The following S100A2 variants were observed in gnomAD, a reference collection of about 807,000 sequenced individuals.
S100A2 encodes S100 calcium binding protein A2.
A neutral mutation model predicts 4.3 loss-of-function variants in S100A2; 5 were observed. The ratio of observed to expected loss-of-function variants is 1.16; its 90% confidence interval spans 0.61 to 2.44. The LOEUF is 2.44. Ranked by LOEUF, S100A2 falls within the 30% of genes most tolerant of loss-of-function variation. S100A2 has a pLI of 0.01. For synonymous variants in S100A2, 44 were observed against 46.0 expected, an observed-to-expected ratio of 0.96 and a Z score of 0.17; for missense variants, 103 against 114.7, an observed-to-expected ratio of 0.90 and a Z score of 0.47.
At chr1:153,563,184 C>T (rs534933681) in intron 2 of S100A2, among the ~76,000 whole-genome samples, 1 of 151,954 alleles carries the variant, frequency 6.6e-6, no homozygotes, top group Non-Finnish European at 1.5e-5. Context: ...CCAGCCTGGC[C>T]AATATGGTGA....
chr1:153,561,940 C>G (rs761516309), intron 2 of S100A2, among the ~76,000 whole-genome samples: 1 of 152,242 alleles, frequency 6.6e-6, no homozygotes, highest in Admixed American at 6.5e-5. Flanking sequence ...CTCCCCAACA[C>G]CAGCCAGGTA....
At chr1:153,565,018 A>C (rs1205381966) in intron 1 of S100A2, among the ~76,000 whole-genome samples, 1 of 151,712 alleles carries the variant, frequency 6.6e-6, no homozygotes, top group Non-Finnish European at 1.5e-5. Context: ...CCTGGAGAAA[A>C]ACCCTTCAGT....
At chr1:153,563,484 G>A (rs926516273) in intron 2 of S100A2, 5 of 1,550,498 alleles carry the variant, frequency 3.2e-6, no homozygotes, top group East Asian at 4.9e-5. Flanking sequence ...TCCAATGACA[G>A]GATTAAACAG....
chr1:153,561,212 A>G lies in S100A2; in HGVS notation c.*227T>C. 1 of 429,372 alleles carries G rather than the reference A, an allele frequency of 2.3e-6. No individual in the cohort carries two copies. Among genetic ancestry groups the G allele is most frequent in the East Asian group, 3.8e-5 (1 of 26,442 alleles). 26.6% of individuals were successfully genotyped at this position (429,372 alleles called of 1,614,324 possible). On this transcript the variant is annotated 3_prime_UTR_variant, in exon 3 of 3. Coordinates refer to ENST00000368708, the MANE Select transcript of S100A2 (RefSeq NM_005978.4). The stretch of plus-strand genomic sequence containing the variant: ...AAATTCCAAAATTGAGACCTAAAGC[A>G]TAGCTCTGGCCTTGGAGAGATTTCC...
intron 2 of S100A2, among the ~76,000 whole-genome samples, chr1:153,562,214 C>CTGTA (rs1665909465): frequency 6.6e-6 from 1 of 152,206 alleles, no homozygotes; most frequent in East Asian, 1.9e-4. Context: ...GTCACCCAGG[C>CTGTA]TGTATTATAG....
chr1:153,564,181 G>T (rs913737106), intron 1 of S100A2: 50 of 304,962 alleles, frequency 1.6e-4, no homozygotes, highest in African/African-American at 2.2e-5. Context: ...TTTAGTGTCT[G>T]CCAGAAGGGA....
At position 153,561,812 on chromosome 1, in the gene S100A2, TGGACACAGGGA is replaced by T. The variant is rs574747265; in HGVS notation, c.145-232_145-222del. 1.6e-4 allele frequency among the ~76,000 whole-genome samples: 25 copies of T among 152,304 alleles called. No homozygotes were observed. The East Asian group carries it at 4.8e-3, about 29-fold the overall frequency. ...GAGCATCTCCAGTGTGCCCTCCTCC[TGGACACAGGGA>T]GGACACTGGATGCTCCTCTGAGCAT... On this transcript the variant is annotated intron_variant, in intron 2 of 2. Coordinates refer to ENST00000368708, the MANE Select transcript of S100A2 (RefSeq NM_005978.4).
Position 153,563,778 on chromosome 1 carries a change from C to A in S100A2, c.100G>T (p.Glu34Ter), listed in dbSNP as rs749924923. 11 of 1,614,102 alleles carry A rather than the reference C, an allele frequency of 6.8e-6. No individual in the cohort carries two copies. The highest frequency in any genetic ancestry group is 9.3e-6 in the Non-Finnish European group (11 of 1,180,046). The part of the protein sequence containing the change: ...EGDKFKLSKG[E>*]MKELLHKELP... Reference sequence around the variant, plus strand: ...TCCTTGTGCAGAAGTTCCTTCATTTCCCCCTTACTCAGCTTGAACTTGTCG... The same window carrying A: ...TCCTTGTGCAGAAGTTCCTTCATTTACCCCTTACTCAGCTTGAACTTGTCG... The change falls in exon 2 of 3, where the codon GAA becomes TAA. Residue 34 changes from glutamate to a stop codon, truncating the protein, a stop_gained. Coordinates refer to ENST00000368708, the MANE Select transcript of S100A2 (RefSeq NM_005978.4). LOFTEE classifies it low-confidence loss of function (END_TRUNC).
chr1:153,563,892 A>G lies in S100A2; in HGVS notation c.-10-5T>C. The stretch of plus-strand genomic sequence containing the variant: ...CTGCACATCATGGATCTGTGGCTGC[A>G]GAGGTGCCAGGTGATGGGTACACTG... On this transcript the variant is annotated splice_polypyrimidine_tract_variant and splice_region_variant and intron_variant, in intron 1 of 2. Coordinates refer to ENST00000368708, the MANE Select transcript of S100A2 (RefSeq NM_005978.4). The G allele has an allele frequency of 1.2e-6, 2 of 1,613,034 alleles. No individual in the cohort carries two copies. Among genetic ancestry groups the G allele is most frequent in the Middle Eastern group, 1.7e-4 (1 of 6,060 alleles).
At position 153,561,417 on chromosome 1, in the gene S100A2, G is replaced by C. The variant is rs2233869; in HGVS notation, c.*22C>G. 714 of 1,605,348 alleles carry C rather than the reference G, an allele frequency of 4.4e-4. 2 individuals carry two copies. The African/African-American group carries it at 8.0e-3, about 18-fold the overall frequency. On this transcript the variant is annotated 3_prime_UTR_variant, in exon 3 of 3. Transcript: ENST00000368708. ...CAGTCCTGGGCCCAAGAGATCCATG[G>C]CAGGAAGTCAAGAGTTCTGCTTCAG... is the stretch of plus-strand genomic sequence containing the variant.
intron 2 of S100A2, chr1:153,563,508 G>T: frequency 6.4e-7 from 1 of 1,550,752 alleles, no homozygotes; most frequent in Non-Finnish European, 8.7e-7. Flanking sequence ...GACTCGGAAG[G>T]CCCTCACAGC....
At position 153,563,776 on chromosome 1, in the gene S100A2, T is replaced by C; in HGVS notation, c.102A>G (p.Glu34=). 2 of 1,614,206 alleles carry C rather than the reference T, an allele frequency of 1.2e-6. No homozygotes were observed. Among genetic ancestry groups the C allele is most frequent in the Non-Finnish European group, 1.7e-6 (2 of 1,180,018 alleles). ...GCTCCTTGTGCAGAAGTTCCTTCAT[T>C]TCCCCCTTACTCAGCTTGAACTTGT... The part of the protein sequence containing the change: ...EGDKFKLSKG[E]MKELLHKELP... Residue 34 remains glutamate (E), a synonymous_variant, in exon 2 of 3, where the codon GAA becomes GAG. Coordinates refer to ENST00000368708, the MANE Select transcript of S100A2 (RefSeq NM_005978.4).
intron 1 of S100A2, chr1:153,564,277 G>T (rs933454109): frequency 6.0e-6 from 1 of 166,234 alleles, no homozygotes; most frequent in African/African-American, 2.4e-5. Context: ...GGCAGATGGG[G>T]GCTCCTGTGC....
intron 1 of S100A2, among the ~76,000 whole-genome samples, chr1:153,564,410 C>T (rs1451181712): frequency 6.6e-6 from 1 of 152,182 alleles, no homozygotes; most frequent in Non-Finnish European, 1.5e-5. Flanking sequence ...ACTGGAAGCT[C>T]CCTTGGGCAG....
chr1:153,565,378 AG>A (rs35578164), intron 1 of S100A2, 127 bp downstream of exon 1: 4 of 152,350 alleles, frequency 2.6e-5, no homozygotes, highest in Non-Finnish European at 5.8e-5. Context: ...AGTTCTTCCA[AG>A]GGGGAAGGCC....
At chr1:153,562,112 C>T (rs1310860329) in intron 2 of S100A2, among the ~76,000 whole-genome samples, 15 of 152,146 alleles carry the variant, frequency 9.9e-5, no homozygotes, top group Admixed American at 9.8e-4. Context: ...CAGGCTCATG[C>T]CACCACACCC....
chr1:153,563,547 C>G (rs1430507500), intron 2 of S100A2, 187 bp downstream of exon 2: 3 of 1,551,264 alleles, frequency 1.9e-6, no homozygotes, highest in Non-Finnish European at 2.6e-6. Flanking sequence ...CTGCAGGAAA[C>G]AGCCATTAAT....
rs1665892281 is a variant in S100A2 at position 153,561,444 on chromosome 1, G to A, written c.292C>T (p.Pro98Ser). Residue 98 changes from proline to serine, a missense_variant, in exon 3 of 3, where the codon CCC becomes TCC. By Grantham distance (74) the Pro-to-Ser change is moderately conservative (BLOSUM62 -1). Transcript: ENST00000368708. ...NDFFQGCPDR[P>S] ...AGGAAGTCAAGAGTTCTGCTTCAGG[G>A]TCGGTCTGGGCAGCCCTGGAAGAAG... The A allele has an allele frequency of 6.2e-7, 1 of 1,612,270 alleles. No homozygotes were observed. The highest frequency in any genetic ancestry group is 8.5e-7 in the Non-Finnish European group (1 of 1,178,412).
At chr1:153,563,395 A>G in intron 2 of S100A2, 1 of 1,506,848 alleles carries the variant, frequency 6.6e-7, no homozygotes. Context: ...AAGAAAAGAA[A>G]AGAGAGAGAG....
Sources: allele counts gnomAD v4.1 joint callset (sites outside exome capture counted in the v4.1 genomes callset), GRCh38; gene constraint gnomAD v4.1.1; transcripts MANE v1.5; gene names NCBI Gene and HGNC (gene_info 2026-07-23, HGNC 2026-07-21).